TCF7L1: variants seen among roughly 807,000 people sequenced by gnomAD.
TCF7L1 encodes transcription factor 7 like 1.
In TCF7L1, 18 loss-of-function variants were observed where a neutral mutation model predicts 63.7. That is an observed-to-expected ratio of 0.28 (90% CI 0.20 to 0.42). TCF7L1 has a LOEUF of 0.42. Ranked by LOEUF, TCF7L1 falls within the 10% of genes least tolerant of loss-of-function variation. TCF7L1 has a pLI of 1.00. For synonymous variants in TCF7L1, 355 were observed against 340.9 expected (o/e 1.04, Z -0.46); for missense variants, 654 against 779.3 (o/e 0.84, Z 1.91).
intron 3 of TCF7L1, among the ~76,000 whole-genome samples, chr2:85,283,090 G>A (rs911377102): frequency 1.1e-4 from 17 of 151,796 alleles, no homozygotes; most frequent in African/African-American, 4.1e-4. Flanking sequence ...AAATGGATGG[G>A]GCAGGATGGC....
At chr2:85,280,965 G>A (rs1212743731) in intron 3 of TCF7L1, among the ~76,000 whole-genome samples, 10 of 151,716 alleles carry the variant, frequency 6.6e-5, no homozygotes, top group Non-Finnish European at 1.3e-4. Flanking sequence ...TCCAGCTCCA[G>A]CTGTCTTGTA....
At chr2:85,236,924 G>A (rs1257549177) in intron 3 of TCF7L1, among the ~76,000 whole-genome samples, 2 of 152,102 alleles carry the variant, frequency 1.3e-5, no homozygotes, top group Non-Finnish European at 2.9e-5. Flanking sequence ...ACGGGGCGAG[G>A]GCATCAGCTC....
At chr2:85,180,150 GA>G (rs1315013981) in intron 3 of TCF7L1, among the ~76,000 whole-genome samples, 2 of 152,016 alleles carry the variant, frequency 1.3e-5, no homozygotes, top group African/African-American at 4.8e-5. Flanking sequence ...GAGAGATGGG[GA>G]GGGAGATGTG....
At chr2:85,280,905 G>A (rs1225766090) in intron 3 of TCF7L1, among the ~76,000 whole-genome samples, 4 of 152,090 alleles carry the variant, frequency 2.6e-5, no homozygotes, top group Non-Finnish European at 4.4e-5. Context: ...GAAAAGCTTC[G>A]TGACTTGGTC....
At chr2:85,199,775 A>G (rs1201238394) in intron 3 of TCF7L1, among the ~76,000 whole-genome samples, 1 of 152,204 alleles carries the variant, frequency 6.6e-6, no homozygotes, top group Non-Finnish European at 1.5e-5. Flanking sequence ...TATTTATTTT[A>G]TTGAGATATA....
chr2:85,169,722 CCATGTA>C (rs1054688376), intron 3 of TCF7L1, among the ~76,000 whole-genome samples: 36 of 152,234 alleles, frequency 2.4e-4, no homozygotes, highest in African/African-American at 8.2e-4. Context: ...ACCCGTGCTG[CCATGTA>C]CCTGCATCTG....
intron 3 of TCF7L1, among the ~76,000 whole-genome samples, chr2:85,255,530 A>G (rs1380439763): frequency 1.3e-5 from 2 of 152,178 alleles, no homozygotes; most frequent in East Asian, 3.9e-4. Context: ...GCCCCAGGGC[A>G]GGGGCCTGAG....
chr2:85,188,429 T>C (rs1678976918), intron 3 of TCF7L1, among the ~76,000 whole-genome samples: 2 of 152,356 alleles, frequency 1.3e-5, no homozygotes, highest in Middle Eastern at 3.4e-3. Context: ...ACACTTTTTT[T>C]CCAACTTCCT....
chr2:85,161,876 G>C (rs1380620743), intron 3 of TCF7L1, among the ~76,000 whole-genome samples: 1 of 152,130 alleles, frequency 6.6e-6, no homozygotes, highest in Non-Finnish European at 1.5e-5. Flanking sequence ...GAGGCTTGTG[G>C]TGATCAAACA....
intron 3 of TCF7L1, among the ~76,000 whole-genome samples, chr2:85,139,258 C>T (rs933904053): frequency 1.3e-5 from 2 of 152,188 alleles, no homozygotes; most frequent in Non-Finnish European, 2.9e-5. Flanking sequence ...CCACCTGTCT[C>T]GGCCTCCCAA....
chr2:85,181,166 G>A (rs966928021), intron 3 of TCF7L1, among the ~76,000 whole-genome samples: 6 of 152,200 alleles, frequency 3.9e-5, no homozygotes, highest in Admixed American at 6.5e-5. Context: ...AAAGAGGTGC[G>A]GAGAGCAGGG....
At position 85,303,977 on chromosome 2, in the gene TCF7L1, C is replaced by A; in HGVS notation, c.741C>A (p.Pro247=). The A allele has an allele frequency of 3.1e-6, 5 of 1,611,268 alleles. No individual in the cohort carries two copies. Among genetic ancestry groups the A allele is most frequent in the Non-Finnish European group, 4.2e-6 (5 of 1,178,590 alleles). Residue 247 remains proline, a synonymous_variant, in exon 6 of 12, where the codon CCC becomes CCA. Coordinates refer to ENST00000282111, the MANE Select transcript of TCF7L1 (RefSeq NM_031283.3). ...GAGCTGTCGGACAAATCCCCCACCCCCTCGGCTGGCTCGTCCCACAGTAAG... is the reference window on the plus strand; with the variant it reads ...GAGCTGTCGGACAAATCCCCCACCCACTCGGCTGGCTCGTCCCACAGTAAG... The part of the protein sequence containing the change: ...SPGAVGQIPH[P]LGWLVPQQGQ...
chr2:85,194,201 A>C (rs1679101081), intron 3 of TCF7L1, among the ~76,000 whole-genome samples: 1 of 152,130 alleles, frequency 6.6e-6, no homozygotes, highest in Non-Finnish European at 1.5e-5. Flanking sequence ...CCTTCGGGAA[A>C]TGATGTGGGC....
chr2:85,292,609 C>G (rs1435078636), intron 4 of TCF7L1, among the ~76,000 whole-genome samples: 1 of 152,142 alleles, frequency 6.6e-6, no homozygotes, highest in East Asian at 1.9e-4. Context: ...CAGGGTCTTG[C>G]TCTGTCACCC....
At chr2:85,261,082 T>C (rs1680846315) in intron 3 of TCF7L1, among the ~76,000 whole-genome samples, 1 of 151,190 alleles carries the variant, frequency 6.6e-6, no homozygotes, top group Non-Finnish European at 1.5e-5. Flanking sequence ...GCACATATAC[T>C]CAAGTGTTAT....
At chr2:85,194,085 A>G (rs954512369) in intron 3 of TCF7L1, among the ~76,000 whole-genome samples, 5 of 151,954 alleles carry the variant, frequency 3.3e-5, no homozygotes, top group African/African-American at 1.2e-4. Flanking sequence ...ACCCCCTGGG[A>G]GTGGATGGCT....
At chr2:85,283,032 G>T (rs1342995573) in intron 3 of TCF7L1, among the ~76,000 whole-genome samples, 1 of 152,052 alleles carries the variant, frequency 6.6e-6, no homozygotes, top group Non-Finnish European at 1.5e-5. Flanking sequence ...GATACTTCTG[G>T]ATGGCTGTTT....
intron 3 of TCF7L1, among the ~76,000 whole-genome samples, chr2:85,274,301 G>A (rs887877402): frequency 6.6e-6 from 1 of 152,220 alleles, no homozygotes; most frequent in African/African-American, 2.4e-5. Flanking sequence ...TCGAAAGCAA[G>A]TTGAACTTTG....
chr2:85,266,980 G>T (rs376689489), intron 3 of TCF7L1, among the ~76,000 whole-genome samples: 2 of 152,230 alleles, frequency 1.3e-5, no homozygotes, highest in South Asian at 2.1e-4. Context: ...TATCTGAGGA[G>T]TGCCAGGATG....
Sources: gnomAD v4.1 joint callset for allele counts (sites outside exome capture counted in the v4.1 genomes callset) on GRCh38, gnomAD v4.1.1 for gene constraint, MANE v1.5 for transcripts, NCBI Gene and HGNC (gene_info 2026-07-23, HGNC 2026-07-21) for gene names.